Variants in SEMA3G observed in about 807,000 individuals in gnomAD.
SEMA3G encodes the protein semaphorin 3G.
SEMA3G carries 70 observed loss-of-function variants against 86.2 expected under a neutral mutation model. The ratio of observed to expected loss-of-function variants is 0.81; its 90% CI spans 0.67 to 0.99. The LOEUF is 0.99. Ranked by LOEUF, SEMA3G falls within the 50% of genes least tolerant of loss-of-function variation. The pLI is 0.00. For missense variants in SEMA3G, 1,002 were observed against 1,072.4 expected, an observed-to-expected ratio of 0.93 and a Z score of 0.92; for synonymous variants, 416 against 441.4, an observed-to-expected ratio of 0.94 and a Z score of 0.72.
rs747648560 is a variant in SEMA3G at position 52,441,698 on chromosome 3, G to T, written c.551-8C>A. On this transcript the variant is annotated splice_polypyrimidine_tract_variant and splice_region_variant and intron_variant, in intron 5 of 15. Transcript: ENST00000231721. ...CCGTGTACAGCTCCCCGTCTGGGGT[G>T]GGGGTTGGGGAACAGAGTCAGGGGA... 2 of 1,610,616 alleles carry T rather than the reference G, an allele frequency of 1.2e-6. No individual in the cohort carries two copies. The highest frequency in any genetic ancestry group is 1.7e-6 in the Non-Finnish European group (2 of 1,177,440).
chr3:52,438,778 C>T, intron 13 of SEMA3G, 142 bp downstream of exon 13: 2 of 1,487,594 alleles, frequency 1.3e-6, no homozygotes, highest in Non-Finnish European at 1.8e-6. Flanking sequence ...CCACTTGTTG[C>T]AGGGGCGAAT....
In SEMA3G at chr3:52,435,928, A is replaced by G; in HGVS notation, c.2024T>C (p.Val675Ala). The change falls in exon 16 of 16, where the codon GTG becomes GCG. Residue 675 changes from valine (V) to alanine (A), a missense_variant. Transcript: ENST00000231721. ...TVVRLALVVI[V>A]ASQLDNLFPP... ...GAACAGGTTGTCCAGCTGTGAGGCC[A>G]CAATCACCACCAGAGCCAGGCGGAC... The G allele has an allele frequency of 1.9e-6, 3 of 1,613,986 alleles. No individual in the cohort carries two copies. Among genetic ancestry groups the G allele is most frequent in the Non-Finnish European group, 1.7e-6 (2 of 1,180,030 alleles).
rs1706168852 is a variant in SEMA3G at position 52,442,011 on chromosome 3, T to TG, written c.460-103dup. The TG allele has an allele frequency of 1.3e-5, 17 of 1,311,414 alleles. No homozygotes were observed. Among genetic ancestry groups the TG allele is most frequent in the Non-Finnish European group, 1.7e-5 (16 of 949,898 alleles). The allele number at this position is 1,311,414 out of a possible 1,614,324, so 81.2% of individuals were successfully genotyped here. ...CTCGCGTGCGGCCAGAGAGCGGGGG[T>TG]GGGCGGAAGGCGTCCTCATCCAGGG... On this transcript the variant is annotated intron_variant, in intron 4 of 15. Coordinates refer to ENST00000231721, the MANE Select transcript of SEMA3G (RefSeq NM_020163.3). The surrounding 1 kb of genome is among the most constrained non-coding windows in gnomAD (Gnocchi z 6.1).
rs1170386456 is a variant in SEMA3G at position 52,435,346 on chromosome 3, G to A, written c.*257C>T. 5.7e-5 allele frequency: 30 copies of A among 527,560 alleles called. No individual in the cohort carries two copies. Among genetic ancestry groups the A allele is most frequent in the Admixed American group, 3.5e-4 (10 of 28,376 alleles). 32.7% of individuals were successfully genotyped at this position (527,560 alleles called of 1,614,324 possible). A position where few individuals can be genotyped will look rare whatever the true frequency, so the allele number is the denominator to read the frequency against. Reference sequence around the variant, plus strand: ...AGCCAGGCCATCTCTGAGAACAAATGGCAGATCCCTTGGGGCTGCCAGCAG... The same window carrying A: ...AGCCAGGCCATCTCTGAGAACAAATAGCAGATCCCTTGGGGCTGCCAGCAG... On this transcript the variant is annotated 3_prime_UTR_variant, in exon 16 of 16. Transcript: ENST00000231721.
In SEMA3G at chr3:52,441,316, G is replaced by C; in HGVS notation, c.761C>G (p.Pro254Arg). 4 of 1,613,742 alleles carry C rather than the reference G, an allele frequency of 2.5e-6. No individual in the cohort carries two copies. Among genetic ancestry groups the C allele is most frequent in the Non-Finnish European group, 3.4e-6 (4 of 1,180,036 alleles). Residue 254 changes from proline to arginine, a missense_variant, in exon 7 of 16, where the codon CCC becomes CGC. Coordinates refer to ENST00000231721, the MANE Select transcript of SEMA3G (RefSeq NM_020163.3). ...YFFFSETVPS[P>R]DGGSNHVTVS... Reference sequence around the variant, plus strand: ...AGTGACATGGTTCGAGCCACCATCGGGCGAGGGGACCGTCTCCGAGAAGAA... The same window carrying C: ...AGTGACATGGTTCGAGCCACCATCGCGCGAGGGGACCGTCTCCGAGAAGAA...
rs376199344 is a variant in SEMA3G, at chr3:52,435,715, C to T, written c.2237G>A (p.Arg746Gln). 8.9e-5 allele frequency: 144 copies of T among 1,613,914 alleles called. No homozygotes were observed. Among genetic ancestry groups the T allele is most frequent in the Non-Finnish European group, 1.1e-4 (135 of 1,180,012 alleles). The stretch of plus-strand genomic sequence containing the variant: ...GCTCTTGCCCCTGGCCTGCTTGCCC[C>T]GGCTCCGGCTCCGGAAGCAGCCTGA... ...ECSGCFRSRS[R>Q]GKQARGKSWA... The change falls in exon 16 of 16, where the codon CGG becomes CAG. Residue 746 changes from arginine to glutamine, a missense_variant. Transcript: ENST00000231721.
Position 52,445,084 on chromosome 3 carries a change from C to A in SEMA3G, c.-57G>T. The stretch of plus-strand genomic sequence containing the variant: ...CCTGCAGAGCCGCCCTCTGGTCCCG[C>A]TGGCCGCCGGTTGTAGTTTGCTCTG... On this transcript the variant is annotated 5_prime_UTR_variant, in exon 1 of 16. Coordinates refer to ENST00000231721, the MANE Select transcript of SEMA3G (RefSeq NM_020163.3). 8.0e-7 allele frequency: 1 copy of A among 1,252,020 alleles called. No individual in the cohort carries two copies. Among genetic ancestry groups the A allele is most frequent in the Non-Finnish European group, 1.0e-6 (1 of 994,436 alleles). 77.6% of individuals were successfully genotyped at this position (1,252,020 alleles called of 1,614,324 possible). A position where few individuals can be genotyped will look rare whatever the true frequency, so the allele number is the denominator to read the frequency against.
In SEMA3G at chr3:52,442,839, A is replaced by G; in HGVS notation, c.184T>C (p.Tyr62His). The stretch of plus-strand genomic sequence containing the variant: ...AGGCGGTCTCGGTACTCATCTAGGT[A>G]CATGGCCTGGAGGTTCAGGGAGCCC... Reference protein sequence around the residue: ...PQGSLNLQAMYLDEYRDRLFL... With the variant: ...PQGSLNLQAMHLDEYRDRLFL... The change falls in exon 2 of 16, where the codon TAC (tyrosine) becomes CAC (histidine). Residue 62 changes from tyrosine (Y) to histidine (H), a missense_variant. Tyr to His is a moderately conservative substitution (Grantham distance 83). Coordinates refer to ENST00000231721, the MANE Select transcript of SEMA3G (RefSeq NM_020163.3). The surrounding 1 kb of genome is among the most constrained non-coding windows in gnomAD (Gnocchi z 6.1). 2.5e-6 allele frequency: 4 copies of G among 1,612,576 alleles called. No homozygotes were observed. Among genetic ancestry groups the G allele is most frequent in the East Asian group, 2.2e-5 (1 of 44,822 alleles).
At position 52,433,063 on chromosome 3, in the gene SEMA3G, T is replaced by C. The variant is rs1705982617; in HGVS notation, c.*2540A>G. 1 of 152,120 alleles carries C rather than the reference T, an allele frequency of 6.6e-6. No individual in the cohort carries two copies. Among genetic ancestry groups the C allele is most frequent in the South Asian group, 2.1e-4 (1 of 4,824 alleles). 9.4% of individuals were successfully genotyped at this position (152,120 alleles called of 1,614,324 possible). A position where few individuals can be genotyped will look rare whatever the true frequency, so the allele number is the denominator to read the frequency against. ...TCTTACAAGCCCACAGGCCAGGATG[T>C]TCCTCATTTAATGAGCAATCTCGGC... On this transcript the variant is annotated 3_prime_UTR_variant, in exon 16 of 16. Transcript: ENST00000231721.
intron 7 of SEMA3G, 36 bp from the exon 8 acceptor site, chr3:52,441,084 C>T (rs372279718): frequency 1.3e-4 from 206 of 1,537,290 alleles, no homozygotes; most frequent in South Asian, 4.1e-4. Context: ...GCTTGGGCCC[C>T]ACGAGGATGG....
Position 52,435,917 on chromosome 3 carries a change from G to T in SEMA3G, c.2035C>A (p.Leu679Met). Residue 679 changes from leucine (L) to methionine (M), a missense_variant, in exon 16 of 16, where the codon CTG (leucine) becomes ATG (methionine). Physicochemically the swap from Leu to Met is conservative, Grantham distance 15. Coordinates refer to ENST00000231721, the MANE Select transcript of SEMA3G (RefSeq NM_020163.3). ...GGCTCCGGAGGGAACAGGTTGTCCA[G>T]CTGTGAGGCCACAATCACCACCAGA... ...LALVVIVASQ[L>M]DNLFPPEPKP... is the part of the protein sequence containing the mutation. 1 of 1,614,014 alleles carries T rather than the reference G, an allele frequency of 6.2e-7. No individual in the cohort carries two copies. The highest frequency in any genetic ancestry group is 8.5e-7 in the Non-Finnish European group (1 of 1,180,038).
intron 13 of SEMA3G, 178 bp downstream of exon 13, chr3:52,438,742 T>TAA (rs1355343953): frequency 1.0e-6 from 1 of 985,374 alleles, no homozygotes; most frequent in Non-Finnish European, 1.2e-6. Context: ...TGGCCCCACT[T>TAA]ACTCGGTGCC....
At position 52,440,808 on chromosome 3, in the gene SEMA3G, A is replaced by C. The variant is rs1209828024; in HGVS notation, c.944T>G (p.Leu315Arg). Reference sequence around the variant, plus strand: ...GAGGCTCTTCCCGGCCTTGGGCCACAGCAGGAACACATCCTCTGGGGTAGA... The same window carrying C: ...GAGGCTCTTCCCGGCCTTGGGCCACCGCAGGAACACATCCTCTGGGGTAGA... ...HFDQLEDVFL[L>R]WPKAGKSLEV... The change falls in exon 9 of 16, where the codon CTG becomes CGG. Residue 315 changes from leucine to arginine, a missense_variant. Physicochemically the swap from Leu to Arg is moderately radical, Grantham distance 102 (BLOSUM62 -2). Transcript: ENST00000231721. 9 of 1,612,742 alleles carry C rather than the reference A, an allele frequency of 5.6e-6. No individual in the cohort carries two copies. The highest frequency in any genetic ancestry group is 7.6e-6 in the Non-Finnish European group (9 of 1,179,996).
chr3:52,438,926 G>C lies in SEMA3G; in HGVS notation c.1503C>G (p.Val501=). Residue 501 remains valine (V), a synonymous_variant, in exon 13 of 16, where the codon GTC becomes GTG. Transcript: ENST00000231721. ...GGGTGGCAGCTGTTCTTACCCTTTT[G>C]ACAGAGATCTCCATTTCGGTGATAG... ...PTPITEMEIS[V]KRQMLYVGSR... The C allele has an allele frequency of 6.2e-7, 1 of 1,613,552 alleles. No individual in the cohort carries two copies. Among genetic ancestry groups the C allele is most frequent in the Non-Finnish European group, 8.5e-7 (1 of 1,179,678 alleles).
chr3:52,438,832 C>T (rs1434054710), intron 13 of SEMA3G, 88 bp downstream of exon 13: 6 of 1,575,324 alleles, frequency 3.8e-6, no homozygotes, highest in Admixed American at 1.8e-5. Flanking sequence ...CAGTGGAGCT[C>T]GAGGAGGCTG....
chr3:52,438,805 C>A, intron 13 of SEMA3G, 115 bp downstream of exon 13: 1 of 1,527,922 alleles, frequency 6.5e-7, no homozygotes, highest in Non-Finnish European at 8.8e-7. Context: ...TGCCTCAGCA[C>A]AGCTTTCCCC....
chr3:52,440,887 A>C (rs768310105), intron 8 of SEMA3G, 47 bp downstream of exon 8: 4 of 1,598,784 alleles, frequency 2.5e-6, no homozygotes, highest in African/African-American at 2.7e-5. Flanking sequence ...ACCAGCTCTC[A>C]GCCCTCCCCA....
At chr3:52,440,726 G>A (rs759278058) in intron 9 of SEMA3G, 28 bp downstream of exon 9, 44 of 1,595,426 alleles carry the variant, frequency 2.8e-5, no homozygotes, top group South Asian at 1.6e-4. Flanking sequence ...GGGGCCCATC[G>A]CAAGGCCGGG....
In SEMA3G at chr3:52,437,617, G is replaced by A; in HGVS notation, c.1788C>T (p.His596=). The change falls in exon 15 of 16, where the codon CAC becomes CAT. Residue 596 remains histidine, a synonymous_variant. Transcript: ENST00000231721. The part of the protein sequence containing the change: ...VAATMVYGTE[H]NSTFLECLPK... ...GCAGGCACTCCAGGAAGGTGCTATT[G>A]TGCTCCGTGCCGTAGACCATGGTGG... 1 of 1,613,070 alleles carries A rather than the reference G, an allele frequency of 6.2e-7. No homozygotes were observed. Among genetic ancestry groups the A allele is most frequent in the South Asian group, 1.1e-5 (1 of 91,076 alleles).
Sources: allele counts gnomAD v4.1 joint callset, GRCh38; gene constraint gnomAD v4.1.1; non-coding constraint Gnocchi (gnomAD v3.1); transcripts MANE v1.5; gene names NCBI Gene and HGNC (gene_info 2026-07-23, HGNC 2026-07-21).